ELP2: variants seen among roughly 807,000 people sequenced by gnomAD.
ELP2 encodes elongator acetyltransferase complex subunit 2.
Under a neutral mutation model 119.2 loss-of-function variants are expected in ELP2, and 90 were observed. That is an observed-to-expected ratio of 0.75 (90% CI 0.64 to 0.90). ELP2 has a LOEUF of 0.90. Ranked by LOEUF, ELP2 falls within the 40% of genes least tolerant of loss-of-function variation. The pLI is 0.00. For missense variants in ELP2, 921 were observed against 967.8 expected, an observed-to-expected ratio of 0.95 and a Z score of 0.64; for synonymous variants, 339 against 331.0, an observed-to-expected ratio of 1.02 and a Z score of -0.26.
intron 21 of ELP2, among the ~76,000 whole-genome samples, chr18:36,172,309 G>T (rs2091105953): frequency 6.6e-6 from 1 of 152,104 alleles, no homozygotes; most frequent in African/African-American, 2.4e-5. Context: ...ATCATTCTGT[G>T]TTATATTTTC....
chr18:36,168,522 GAGAA>G (rs2090972462), intron 19 of ELP2, among the ~76,000 whole-genome samples: 1 of 152,182 alleles, frequency 6.6e-6, no homozygotes, highest in Admixed American at 6.6e-5. Context: ...GTGGTGGCAG[GAGAA>G]AGAAGTGCTG....
rs771674272 is a variant in ELP2, at chr18:36,146,065, T to TG, written c.993+17_993+18insG. ...CTAGAACAGGTAAAAATGTTGGATATTTAAGGAACAGAAAATTAAGTTTTG... is the reference window on the plus strand; with the variant it reads ...CTAGAACAGGTAAAAATGTTGGATATGTTAAGGAACAGAAAATTAAGTTTTG... On this transcript the variant is annotated intron_variant, in intron 10 of 21. Coordinates refer to ENST00000358232, the MANE Select transcript of ELP2 (RefSeq NM_018255.4). 18 of 1,609,930 alleles carry TG rather than the reference T, an allele frequency of 1.1e-5. No homozygotes were observed. Among genetic ancestry groups the TG allele is most frequent in the Admixed American group, 3.3e-5 (2 of 59,994 alleles).
At chr18:36,155,321 CTCT>C (rs2090540007) in intron 12 of ELP2, among the ~76,000 whole-genome samples, 3 of 150,350 alleles carry the variant, frequency 2.0e-5, no homozygotes, top group Admixed American at 6.7e-5. Flanking sequence ...TGCAGCCGGC[CTCT>C]TCTTATTTTA....
intron 11 of ELP2, among the ~76,000 whole-genome samples, chr18:36,152,683 C>G (rs998907364): frequency 6.6e-6 from 1 of 152,240 alleles, no homozygotes; most frequent in African/African-American, 2.4e-5. Flanking sequence ...GCTGGCCGTT[C>G]CCTCAGGAAT....
chr18:36,168,591 C>A (rs539474117), intron 19 of ELP2, among the ~76,000 whole-genome samples: 86 of 152,266 alleles, frequency 5.6e-4, no homozygotes, highest in African/African-American at 1.9e-3. Context: ...AACTCACTCA[C>A]TATCATGAGA....
At chr18:36,138,110 T>C (rs2089895308) in intron 3 of ELP2, 160 bp from the exon 4 acceptor site, 1 of 647,468 alleles carries the variant, frequency 1.5e-6, no homozygotes, top group East Asian at 2.8e-5. Context: ...ATGCACATTT[T>C]GTGTGTTGTT....
chr18:36,154,090 G>T (rs2090489174), intron 11 of ELP2, among the ~76,000 whole-genome samples: 1 of 136,134 alleles, frequency 7.3e-6, no homozygotes, highest in African/African-American at 2.8e-5. Flanking sequence ...TTTTTGGCCA[G>T]ACATAATATA....
At chr18:36,162,772 AT>A (rs1423074624) in intron 17 of ELP2, among the ~76,000 whole-genome samples, 1 of 152,206 alleles carries the variant, frequency 6.6e-6, no homozygotes, top group Non-Finnish European at 1.5e-5. Context: ...GTAGCAGCTC[AT>A]TATGGCTGTG....
intron 11 of ELP2, among the ~76,000 whole-genome samples, chr18:36,152,786 C>T (rs2090443901): frequency 6.6e-6 from 1 of 152,206 alleles, no homozygotes; most frequent in African/African-American, 2.4e-5. Flanking sequence ...CTCTTCCACT[C>T]TGTAGCATTT....
At chr18:36,170,757 C>G (rs1339980642) in intron 20 of ELP2, 2 of 468,984 alleles carry the variant, frequency 4.3e-6, no homozygotes, top group African/African-American at 3.9e-5. Context: ...ATAATACTTT[C>G]TCTGTAACAA....
At chr18:36,141,446 T>C (rs2090026298) in intron 6 of ELP2, 1 of 505,158 alleles carries the variant, frequency 2.0e-6, no homozygotes, top group Non-Finnish European at 3.6e-6. Context: ...GGAGGAGAGA[T>C]GGAAGATGCT....
rs1341681859 is a variant in ELP2, at chr18:36,171,797, A to G, written c.2324+637A>G. Among the ~76,000 whole-genome samples the G allele has an allele frequency of 2.6e-5, 4 of 152,178 alleles. No individual in the cohort carries two copies. The East Asian group carries it at 7.7e-4, about 29-fold the overall frequency. On this transcript the variant is annotated intron_variant, in intron 21 of 21. Coordinates refer to ENST00000358232, the MANE Select transcript of ELP2 (RefSeq NM_018255.4). Reference sequence around the variant, plus strand: ...AGTGGCAAGATCCCAGCTCACTGCAACCTCCGCCTCCCAGGCTCAATCAGT... The same window carrying G: ...AGTGGCAAGATCCCAGCTCACTGCAGCCTCCGCCTCCCAGGCTCAATCAGT...
At chr18:36,143,526 C>T (rs1158651170) in intron 8 of ELP2, among the ~76,000 whole-genome samples, 1 of 149,412 alleles carries the variant, frequency 6.7e-6, no homozygotes, top group African/African-American at 2.5e-5. Flanking sequence ...GGCTTAGCTT[C>T]CTGAGTAGCT....
In ELP2 at chr18:36,138,783, A is replaced by G. The variant is rs757764496; in HGVS notation, c.446-12A>G. 17 of 1,609,622 alleles carry G rather than the reference A, an allele frequency of 1.1e-5. No homozygotes were observed. The highest frequency in any genetic ancestry group is 2.6e-6 in the Non-Finnish European group (3 of 1,176,214). ...TAGTTAGTTGTTCATTGTGTTTTTT[A>G]TTATTTCTTAGTAATGTGCCTTCAG... On this transcript the variant is annotated splice_polypyrimidine_tract_variant and intron_variant, in intron 4 of 21. Coordinates refer to ENST00000358232, the MANE Select transcript of ELP2 (RefSeq NM_018255.4).
At chr18:36,131,791 A>C (rs1320308522) in intron 1 of ELP2, among the ~76,000 whole-genome samples, 2 of 152,228 alleles carry the variant, frequency 1.3e-5, no homozygotes, top group Non-Finnish European at 2.9e-5. Flanking sequence ...TTTTTGCAGC[A>C]GTTGAATGGA....
chr18:36,143,867 G>A (rs572413966), intron 8 of ELP2, among the ~76,000 whole-genome samples: 1 of 152,130 alleles, frequency 6.6e-6, no homozygotes, highest in Non-Finnish European at 1.5e-5. Flanking sequence ...TTTAGCATAG[G>A]AAGACCTAAA....
Position 36,129,899 on chromosome 18 carries a change from G to C in ELP2, c.-35G>C. ...AGTTCCGCTCCGAGGGCGGAAGTGCGCGTCTCTTGTTTGTGCGGCTGACCA... is the reference window on the plus strand; with the variant it reads ...AGTTCCGCTCCGAGGGCGGAAGTGCCCGTCTCTTGTTTGTGCGGCTGACCA... On this transcript the variant is annotated 5_prime_UTR_variant, in exon 1 of 22. Transcript: ENST00000358232. The C allele has an allele frequency of 1.2e-6, 2 of 1,614,162 alleles. No homozygotes were observed. The highest frequency in any genetic ancestry group is 1.7e-6 in the Non-Finnish European group (2 of 1,180,022).
intron 5 of ELP2, chr18:36,139,677 A>C: frequency 7.1e-7 from 1 of 1,400,190 alleles, no homozygotes; most frequent in Non-Finnish European, 9.5e-7. Flanking sequence ...CTAAAGTAAG[A>C]AAATCTTTGA....
chr18:36,162,655 C>T (rs1002419731), intron 17 of ELP2, among the ~76,000 whole-genome samples: 1 of 152,058 alleles, frequency 6.6e-6, no homozygotes, highest in Non-Finnish European at 1.5e-5. Context: ...TGCTGTGTTC[C>T]GCAGTGGTTA....
Sources: gnomAD v4.1 joint callset for allele counts (sites outside exome capture counted in the v4.1 genomes callset) on GRCh38, gnomAD v4.1.1 for gene constraint, MANE v1.5 for transcripts, NCBI Gene and HGNC (gene_info 2026-07-23, HGNC 2026-07-21) for gene names.